Variants in ATXN7L1 observed in about 807,000 individuals in gnomAD.
ATXN7L1 encodes ataxin-7-like protein 1.
ATXN7L1 carries 15 observed loss-of-function variants against 70.8 expected under a neutral mutation model. The ratio of observed to expected loss-of-function variants is 0.21; its 90% CI spans 0.14 to 0.33. ATXN7L1 has a LOEUF of 0.33. Among genes scored for constraint, ATXN7L1 ranks in the 10% least tolerant of loss-of-function variants. The pLI is 1.00. For synonymous variants in ATXN7L1, 440 were observed against 445.1 expected, an observed-to-expected ratio of 0.99 and a Z score of 0.14; for missense variants, 975 against 1,097.1, an observed-to-expected ratio of 0.89 and a Z score of 1.57.
At chr7:105,800,234 A>G (rs1250962781) in intron 2 of ATXN7L1, among the ~76,000 whole-genome samples, 1 of 152,200 alleles carries the variant, frequency 6.6e-6, no homozygotes, top group Non-Finnish European at 1.5e-5. Context: ...TGTTGGCAAG[A>G]TTCATGAAGC....
intron 3 of ATXN7L1, among the ~76,000 whole-genome samples, chr7:105,713,571 G>T (rs1404192841): frequency 2.0e-5 from 3 of 152,236 alleles, no homozygotes; most frequent in Admixed American, 2.0e-4. Flanking sequence ...ATAAAAAGCT[G>T]CAGGGAAAAG....
chr7:105,835,641 A>C (rs1479766999), intron 2 of ATXN7L1, among the ~76,000 whole-genome samples: 4 of 152,110 alleles, frequency 2.6e-5, no homozygotes, highest in Non-Finnish European at 5.9e-5. Flanking sequence ...TCTTAGTCCA[A>C]AAGTTCATTT....
chr7:105,759,469 TG>T (rs1563070738), intron 3 of ATXN7L1, among the ~76,000 whole-genome samples: 4 of 121,902 alleles, frequency 3.3e-5, no homozygotes, highest in African/African-American at 9.0e-5. Context: ...TGTGTGTGTG[TG>T]TGTGTGTGTG....
chr7:105,718,112 T>C (rs140561996), intron 3 of ATXN7L1, among the ~76,000 whole-genome samples: 100 of 152,168 alleles, frequency 6.6e-4, no homozygotes, highest in African/African-American at 2.4e-3. Flanking sequence ...TCAAAACCTC[T>C]CCCCTTTTAA....
chr7:105,619,532 T>TATATATA (rs1562901473), intron 9 of ATXN7L1, among the ~76,000 whole-genome samples: 7 of 5,406 alleles, frequency 1.3e-3, no homozygotes, highest in Admixed American at 3.4e-3. Context: ...ATATATATAT[T>TATATATA]TTTTTTTTTT....
chr7:105,664,217 G>T (rs575005312), intron 4 of ATXN7L1, among the ~76,000 whole-genome samples: 1 of 152,028 alleles, frequency 6.6e-6, no homozygotes, highest in Non-Finnish European at 1.5e-5. Flanking sequence ...CCAGTGTTGC[G>T]GGTAGGGCCG....
At chr7:105,803,751 G>A (rs867362617) in intron 2 of ATXN7L1, among the ~76,000 whole-genome samples, 1 of 152,162 alleles carries the variant, frequency 6.6e-6, no homozygotes, top group African/African-American at 2.4e-5. Flanking sequence ...TGTTCAACCC[G>A]GCACTGGCCT....
At position 105,725,903 on chromosome 7, in the gene ATXN7L1, C is replaced by CT. The variant is rs34850752; in HGVS notation, c.356-60616dup. ...GCCTCCATTTCTTTTTTCTTTCTTT[C>CT]TTTTTTTTTTTTTTTTTGAGACAGA... On this transcript the variant is annotated intron_variant, in intron 3 of 11. Coordinates refer to ENST00000419735, the MANE Select transcript of ATXN7L1 (RefSeq NM_020725.2). Among the ~76,000 whole-genome samples, 848 of 130,716 alleles carry CT rather than the reference C, an allele frequency of 6.5e-3. 6 individuals are homozygous for CT. The highest frequency in any genetic ancestry group is 0.011 in the South Asian group (46 of 4,140). The allele number at this position is 130,716 out of a possible 152,430, so 85.8% of individuals were successfully genotyped here. A position where few individuals can be genotyped will look rare whatever the true frequency, so the allele number is the denominator to read the frequency against.
At chr7:105,690,846 T>G (rs1790698994) in intron 3 of ATXN7L1, among the ~76,000 whole-genome samples, 1 of 152,160 alleles carries the variant, frequency 6.6e-6, no homozygotes, top group East Asian at 1.9e-4. Context: ...GGAAACCCTT[T>G]TATAGAGTGC....
rs552659386 is a variant in ATXN7L1, at chr7:105,740,913, C to T, written c.355+47691G>A. On this transcript the variant is annotated intron_variant, in intron 3 of 11. Coordinates refer to ENST00000419735, the MANE Select transcript of ATXN7L1 (RefSeq NM_020725.2). ...CTGAGTAGCTGGGACTACAGGCGCC[C>T]GCCACCACGCCTGGCTAATTTTTTG... Among the ~76,000 whole-genome samples, 315 of 151,934 alleles carry T rather than the reference C, an allele frequency of 2.1e-3. 3 individuals carry two copies. The highest frequency in any genetic ancestry group is 7.2e-3 in the African/African-American group (298 of 41,404).
intron 3 of ATXN7L1, among the ~76,000 whole-genome samples, chr7:105,673,393 C>T (rs890088661): frequency 6.6e-6 from 1 of 152,210 alleles, no homozygotes; most frequent in Non-Finnish European, 1.5e-5. Context: ...CTAACCCCCT[C>T]CCAATAGACT....
chr7:105,778,566 A>C (rs950844923), intron 3 of ATXN7L1, among the ~76,000 whole-genome samples: 1 of 151,498 alleles, frequency 6.6e-6, no homozygotes, highest in Non-Finnish European at 1.5e-5. Context: ...AGTTATGAAG[A>C]TCCTATTAAT....
chr7:105,678,687 C>T (rs769725738), intron 3 of ATXN7L1, among the ~76,000 whole-genome samples: 11 of 152,138 alleles, frequency 7.2e-5, no homozygotes, highest in Admixed American at 3.3e-4. Context: ...GTTGACACGC[C>T]GGGAAGGTTC....
Position 105,876,597 on chromosome 7 carries a change from A to T in ATXN7L1, c.-39T>A. The T allele has an allele frequency of 6.7e-5, 13 of 194,654 alleles. No homozygotes were observed. The highest frequency in any genetic ancestry group is 1.2e-4 in the Non-Finnish European group (12 of 98,830). The allele number at this position is 194,654 out of a possible 1,614,324, so 12.1% of individuals were successfully genotyped here. A position where few individuals can be genotyped will look rare whatever the true frequency, so the allele number is the denominator to read the frequency against. On this transcript the variant is annotated 5_prime_UTR_variant, in exon 1 of 12. Coordinates refer to ENST00000419735, the MANE Select transcript of ATXN7L1 (RefSeq NM_020725.2). Reference sequence around the variant, plus strand: ...CGACATTGAGTGTTCTGAAAGGGGGAGGGAGGGAGGAAGGGCGGGATGGGA... The same window carrying T: ...CGACATTGAGTGTTCTGAAAGGGGGTGGGAGGGAGGAAGGGCGGGATGGGA...
At chr7:105,850,638 G>C (rs1814738278) in intron 2 of ATXN7L1, among the ~76,000 whole-genome samples, 1 of 152,200 alleles carries the variant, frequency 6.6e-6, no homozygotes, top group Non-Finnish European at 1.5e-5. Context: ...TGAAGAACGA[G>C]CACAGAGCGA....
intron 4 of ATXN7L1, among the ~76,000 whole-genome samples, chr7:105,647,089 C>A (rs1296449617): frequency 1.3e-5 from 2 of 152,160 alleles, no homozygotes; most frequent in Non-Finnish European, 2.9e-5. Context: ...GGACAGCTAG[C>A]AAGAAGAGAA....
At chr7:105,721,551 C>G (rs560560658) in intron 3 of ATXN7L1, among the ~76,000 whole-genome samples, 26 of 152,306 alleles carry the variant, frequency 1.7e-4, no homozygotes, top group African/African-American at 5.5e-4. Flanking sequence ...TGAGGCTTTG[C>G]CACATGGGAA....
At position 105,670,162 on chromosome 7, in the gene ATXN7L1, T is replaced by C. The variant is rs1002280258; in HGVS notation, c.356-4874A>G. Among the ~76,000 whole-genome samples the C allele has an allele frequency of 4.6e-5, 7 of 152,298 alleles. 1 individual carries two copies. The highest frequency in any genetic ancestry group is 2.1e-4 in the South Asian group (1 of 4,826). ...GTGAGGAGGCGGGTTAGGTTAGTGATAGAAGAAGGCAGGGTCTTATCTTTT... is the reference window on the plus strand; with the variant it reads ...GTGAGGAGGCGGGTTAGGTTAGTGACAGAAGAAGGCAGGGTCTTATCTTTT... On this transcript the variant is annotated intron_variant, in intron 3 of 11. Coordinates refer to ENST00000419735, the MANE Select transcript of ATXN7L1 (RefSeq NM_020725.2).
At chr7:105,683,659 A>G (rs1563000025) in intron 3 of ATXN7L1, among the ~76,000 whole-genome samples, 2 of 152,116 alleles carry the variant, frequency 1.3e-5, no homozygotes, top group Non-Finnish European at 2.9e-5. Context: ...TGGGTGACAG[A>G]GCGAGATTCC....
Sources: gnomAD v4.1 joint callset for allele counts (sites outside exome capture counted in the v4.1 genomes callset) on GRCh38, gnomAD v4.1.1 for gene constraint, MANE v1.5 for transcripts, NCBI Gene and HGNC (gene_info 2026-07-23, HGNC 2026-07-21) for gene names.